The following KCNIP1 variants were observed in gnomAD, a reference collection of about 807,000 sequenced individuals.
KCNIP1 encodes the protein potassium voltage-gated channel interacting protein 1.
KCNIP1 carries 18 observed loss-of-function variants against 33.0 expected under a neutral mutation model. The observed-to-expected ratio is 0.55, with a 90% CI of 0.38 to 0.81. KCNIP1 has a LOEUF of 0.81. Among genes scored for constraint, KCNIP1 ranks in the 30% least tolerant of loss-of-function variants. KCNIP1 has a pLI of 0.00. For synonymous variants in KCNIP1, 93 were observed against 98.3 expected, an observed-to-expected ratio of 0.95 and a Z score of 0.32; for missense variants, 238 against 271.6, an observed-to-expected ratio of 0.88 and a Z score of 0.87.
At chr5:170,409,902 A>C (rs1417214203) in intron 1 of KCNIP1, among the ~76,000 whole-genome samples, 1 of 152,244 alleles carries the variant, frequency 6.6e-6, no homozygotes, top group African/African-American at 2.4e-5. Context: ...GAAAGAACTT[A>C]GATCAGTGCC....
At chr5:170,363,481 A>C (rs911096563) in intron 1 of KCNIP1, among the ~76,000 whole-genome samples, 2 of 152,334 alleles carry the variant, frequency 1.3e-5, no homozygotes, top group South Asian at 4.1e-4. Flanking sequence ...AAGCCATGTG[A>C]GGGCAAGATG....
At chr5:170,716,272 G>A (rs948694174) in intron 1 of KCNIP1, among the ~76,000 whole-genome samples, 4 of 152,226 alleles carry the variant, frequency 2.6e-5, no homozygotes, top group African/African-American at 9.6e-5. Flanking sequence ...GCTCACATTA[G>A]TGAGGGATGG....
intron 1 of KCNIP1, among the ~76,000 whole-genome samples, chr5:170,464,790 TC>T (rs1756575899): frequency 6.6e-6 from 1 of 152,170 alleles, no homozygotes; most frequent in Non-Finnish European, 1.5e-5. Context: ...CGCTTGGGAA[TC>T]ATGGAATTCT....
chr5:170,618,549 G>GGGAGGGAGGGAGGGAGGGAGGGA (rs1759486330), intron 1 of KCNIP1, among the ~76,000 whole-genome samples: 1 of 124,524 alleles, frequency 8.0e-6, no homozygotes, highest in African/African-American at 3.1e-5. Flanking sequence ...GGAGGGAGGA[G>GGGAGGGAGGGAGGGAGGGAGGGA]GGAGGGAGGG....
intron 1 of KCNIP1, among the ~76,000 whole-genome samples, chr5:170,608,691 G>C (rs1036318590): frequency 6.6e-6 from 1 of 151,896 alleles, no homozygotes; most frequent in African/African-American, 2.4e-5. Flanking sequence ...AGAATCGCTT[G>C]AACCCGGGAG....
At chr5:170,733,993 C>A in intron 7 of KCNIP1, 95 bp downstream of exon 7, 2 of 931,174 alleles carry the variant, frequency 2.1e-6, no homozygotes, top group Non-Finnish European at 3.4e-6. Flanking sequence ...GAAACCTGCA[C>A]ATACCTGCAA....
intron 1 of KCNIP1, among the ~76,000 whole-genome samples, chr5:170,670,377 A>T (rs986798337): frequency 6.6e-6 from 1 of 152,168 alleles, no homozygotes; most frequent in Non-Finnish European, 1.5e-5. Flanking sequence ...GGATGGGCTG[A>T]CCTAACCCTT....
intron 1 of KCNIP1, among the ~76,000 whole-genome samples, chr5:170,468,477 T>G (rs1004789984): frequency 1.3e-5 from 2 of 152,190 alleles, no homozygotes; most frequent in Non-Finnish European, 2.9e-5. Context: ...ATTTGTTACT[T>G]TAATAAATTG....
chr5:170,364,072 C>T (rs531555104), intron 1 of KCNIP1, among the ~76,000 whole-genome samples: 10 of 151,446 alleles, frequency 6.6e-5, no homozygotes, highest in Admixed American at 2.6e-4. Flanking sequence ...GTCATCACAG[C>T]GCACTGCAGC....
At chr5:170,705,794 A>T (rs2113844658) in intron 1 of KCNIP1, among the ~76,000 whole-genome samples, 1 of 152,354 alleles carries the variant, frequency 6.6e-6, no homozygotes, top group Non-Finnish European at 1.5e-5. Context: ...CAGGAAAGGT[A>T]CAATCATGAT....
At chr5:170,478,908 A>G (rs1018701492) in intron 1 of KCNIP1, among the ~76,000 whole-genome samples, 21 of 145,342 alleles carry the variant, frequency 1.4e-4, no homozygotes, top group Admixed American at 1.1e-3. Context: ...GAAAAGGAAG[A>G]TAAAAAAAAA....
chr5:170,619,160 C>T (rs1433687574), intron 1 of KCNIP1, among the ~76,000 whole-genome samples: 10 of 152,306 alleles, frequency 6.6e-5, no homozygotes, highest in Non-Finnish European at 4.4e-5. Context: ...ATGAAAGAAT[C>T]ACTTAATAGT....
intron 1 of KCNIP1, among the ~76,000 whole-genome samples, chr5:170,515,704 G>A (rs1755095866): frequency 6.6e-6 from 1 of 152,184 alleles, no homozygotes; most frequent in South Asian, 2.1e-4. Context: ...GGAAAAGCCA[G>A]GATTCGAACC....
At chr5:170,635,624 C>A (rs1318475059) in intron 1 of KCNIP1, among the ~76,000 whole-genome samples, 1 of 152,246 alleles carries the variant, frequency 6.6e-6, no homozygotes, top group Non-Finnish European at 1.5e-5. Context: ...TCACTGCTGT[C>A]TCTATCAGCC....
At chr5:170,731,416 A>T (rs965001340) in intron 5 of KCNIP1, among the ~76,000 whole-genome samples, 3 of 152,112 alleles carry the variant, frequency 2.0e-5, no homozygotes, top group Admixed American at 6.6e-5. Context: ...AAACAAAGAA[A>T]CTCAGGCTGG....
At chr5:170,631,962 G>A (rs1260321096) in intron 1 of KCNIP1, among the ~76,000 whole-genome samples, 1 of 152,244 alleles carries the variant, frequency 6.6e-6, no homozygotes, top group African/African-American at 2.4e-5. Context: ...GGTCAGGGGT[G>A]GACCTCCCCT....
At position 170,653,359 on chromosome 5, in the gene KCNIP1, G is replaced by A. The variant is rs575812506; in HGVS notation, c.62-65399G>A. Among the ~76,000 whole-genome samples, 6 of 152,118 alleles carry A rather than the reference G, an allele frequency of 3.9e-5. No homozygotes were observed. In the East Asian group the frequency reaches 9.7e-4, roughly 24 times the overall value. ...GGAAAAGAGCAGAAAGTGGTATCAC[G>A]AACATATCTTCTCCTTTGCTTCCTT... is the stretch of plus-strand genomic sequence containing the variant. On this transcript the variant is annotated intron_variant, in intron 1 of 7. Coordinates refer to ENST00000328939, the MANE Select transcript of KCNIP1 (RefSeq NM_014592.4).
chr5:170,444,522 G>A (rs1033677685), intron 1 of KCNIP1, among the ~76,000 whole-genome samples: 2 of 152,100 alleles, frequency 1.3e-5, no homozygotes, highest in African/African-American at 4.8e-5. Flanking sequence ...TGCCATGCAA[G>A]GTAACATACT....
At chr5:170,694,131 C>T (rs955149726) in intron 1 of KCNIP1, among the ~76,000 whole-genome samples, 2 of 152,142 alleles carry the variant, frequency 1.3e-5, no homozygotes, top group African/African-American at 4.8e-5. Context: ...GGAAACCTTG[C>T]CTCACCACTG....
Sources: gnomAD v4.1 joint callset for allele counts (sites outside exome capture counted in the v4.1 genomes callset) on GRCh38, gnomAD v4.1.1 for gene constraint, MANE v1.5 for transcripts, NCBI Gene and HGNC (gene_info 2026-07-23, HGNC 2026-07-21) for gene names.